The following C12orf76 variants were observed in gnomAD, a reference collection of about 807,000 sequenced individuals.
C12orf76 encodes the protein uncharacterized protein C12orf76.
C12orf76 carries 6 observed loss-of-function variants against 6.8 expected under a neutral mutation model. The observed-to-expected ratio is 0.88, with a 90% confidence interval of 0.48 to 1.73. The LOEUF is 1.73. Ranked by LOEUF, C12orf76 falls within the 40% of genes most tolerant of loss-of-function variation. The probability of loss-of-function intolerance (pLI) is 0.01; values close to 1 mark genes in which losing one functional copy is unlikely to be tolerated. For synonymous variants in C12orf76, 56 were observed against 43.7 expected (o/e 1.28, Z -1.11); for missense variants, 99 against 98.2 (o/e 1.01, Z -0.03).
At chr12:110,058,976 T>C (rs944559162) in intron 3 of C12orf76, 6 of 1,533,648 alleles carry the variant, frequency 3.9e-6, no homozygotes, top group Non-Finnish European at 5.3e-6. Flanking sequence ...ATAAGGAAGG[T>C]GCTAGTATTA....
chr12:110,042,561 T>C (rs1459359302), intron 1 of C12orf76, 102 bp from the exon 2 acceptor site: 1 of 763,478 alleles, frequency 1.3e-6, no homozygotes, highest in South Asian at 1.4e-5. Flanking sequence ...TGCCAGGCAC[T>C]ATGTCAAGTG....
chr12:110,051,243 C>A, upstream of C12orf76: 1 of 757,446 alleles, frequency 1.3e-6, no homozygotes, highest in Non-Finnish European at 2.4e-6. Context: ...AGGCCACTTC[C>A]GTTCCAATCC....
At chr12:110,055,768 T>C (rs1025008326) in intron 4 of C12orf76, among the ~76,000 whole-genome samples, 5 of 152,106 alleles carry the variant, frequency 3.3e-5, no homozygotes, top group Admixed American at 6.6e-5. Context: ...GATGAAATCA[T>C]AGGGAGTCGA....
At chr12:110,058,908 T>C in intron 3 of C12orf76, 2 of 1,430,562 alleles carry the variant, frequency 1.4e-6, no homozygotes, top group Non-Finnish European at 1.9e-6. Flanking sequence ...CTGACATATA[T>C]TAACTTTTGC....
At chr12:110,049,832 C>T (rs1002114128), upstream of C12orf76, 1 of 152,208 alleles carries the variant, frequency 6.6e-6, no homozygotes, top group Non-Finnish European at 1.5e-5. Flanking sequence ...AGATTCCAGA[C>T]ATTGTATAGA....
upstream of C12orf76, among the ~76,000 whole-genome samples, chr12:110,068,833 C>G (rs970668966): frequency 1.3e-5 from 2 of 152,180 alleles, no homozygotes; most frequent in Non-Finnish European, 2.9e-5. Flanking sequence ...TGGATTGCCA[C>G]CTATGGTCCA....
At chr12:110,071,914 G>A (rs189969381), upstream of C12orf76, among the ~76,000 whole-genome samples, 1 of 152,206 alleles carries the variant, frequency 6.6e-6, no homozygotes, top group African/African-American at 2.4e-5. Context: ...TTCCTCCAAG[G>A]GTGAAACATA....
upstream of C12orf76, among the ~76,000 whole-genome samples, chr12:110,068,283 GAA>G (rs1892909590): frequency 7.0e-6 from 1 of 142,158 alleles, no homozygotes; most frequent in African/African-American, 2.6e-5. Flanking sequence ...AGAAGAAGAA[GAA>G]GAAGAAGAAG....
chr12:110,060,112 G>C (rs1412192638), intron 2 of C12orf76, among the ~76,000 whole-genome samples: 1 of 152,062 alleles, frequency 6.6e-6, no homozygotes, highest in African/African-American at 2.4e-5. Flanking sequence ...TGTATTCCCA[G>C]CTACTCAGAA....
upstream of C12orf76, among the ~76,000 whole-genome samples, chr12:110,051,658 C>T (rs1892578354): frequency 6.6e-6 from 1 of 152,106 alleles, no homozygotes; most frequent in South Asian, 2.1e-4. Flanking sequence ...AACTCCTGAC[C>T]TCATGATCTG....
At chr12:110,069,006 A>T (rs936044822), upstream of C12orf76, among the ~76,000 whole-genome samples, 1 of 152,254 alleles carries the variant, frequency 6.6e-6, no homozygotes, top group Non-Finnish European at 1.5e-5. Flanking sequence ...ATTTGGTGAG[A>T]TGATAGTAGA....
upstream of C12orf76, among the ~76,000 whole-genome samples, chr12:110,051,721 G>A (rs1892579541): frequency 6.6e-6 from 1 of 151,332 alleles, no homozygotes; most frequent in Non-Finnish European, 1.5e-5. Flanking sequence ...CACCATGCCC[G>A]GCCCCCAATC....
intron 1 of C12orf76, among the ~76,000 whole-genome samples, chr12:110,046,743 T>C (rs1892459269): frequency 6.6e-6 from 1 of 152,130 alleles, no homozygotes; most frequent in African/African-American, 2.4e-5. Flanking sequence ...ACCCTTTGAG[T>C]AGTACTGTTC....
At chr12:110,062,753 G>A (rs1892793143) in intron 2 of C12orf76, among the ~76,000 whole-genome samples, 1 of 147,480 alleles carries the variant, frequency 6.8e-6, no homozygotes, top group Admixed American at 6.8e-5. Flanking sequence ...CCCAGTAGCT[G>A]GAACTACAGG....
At chr12:110,064,173 G>C (rs1892822514) in intron 2 of C12orf76, among the ~76,000 whole-genome samples, 2 of 152,160 alleles carry the variant, frequency 1.3e-5, no homozygotes, top group South Asian at 2.1e-4. Context: ...CTATTGTATG[G>C]GTCAAAGGGC....
At chr12:110,066,715 A>C (rs779713562) in intron 1 of C12orf76, among the ~76,000 whole-genome samples, 141 of 151,772 alleles carry the variant, frequency 9.3e-4, no homozygotes, top group Non-Finnish European at 1.8e-3. Context: ...AATCGGGAGC[A>C]GAGGGGCCAC....
upstream of C12orf76, among the ~76,000 whole-genome samples, chr12:110,069,411 G>A (rs1270478014): frequency 6.6e-6 from 1 of 152,236 alleles, no homozygotes. Flanking sequence ...TCGCACTCCA[G>A]CCTGGGTGAC....
intron 4 of C12orf76, among the ~76,000 whole-genome samples, chr12:110,056,480 G>A (rs1892668384): frequency 6.6e-6 from 1 of 152,102 alleles, no homozygotes; most frequent in South Asian, 2.1e-4. Flanking sequence ...GTGTGGTGGT[G>A]CATGCCTATA....
chr12:110,065,175 CA>C (rs1242326219), intron 2 of C12orf76, among the ~76,000 whole-genome samples: 1 of 150,704 alleles, frequency 6.6e-6, no homozygotes, highest in Non-Finnish European at 1.5e-5. Context: ...TATATATACA[CA>C]TTTTTTTTTT....
Sources: allele counts gnomAD v4.1 joint callset (sites outside exome capture counted in the v4.1 genomes callset), GRCh38; gene constraint gnomAD v4.1.1; transcripts MANE v1.5; gene names NCBI Gene and HGNC (gene_info 2026-07-23, HGNC 2026-07-21).